Variants in COBL observed in about 807,000 individuals in gnomAD.
COBL encodes cordon-bleu WH2 repeat protein.
Under a neutral mutation model 98.8 loss-of-function variants are expected in COBL, and 51 were observed. That is an observed-to-expected ratio of 0.52 (90% CI 0.41 to 0.65). The LOEUF is 0.65. Among genes scored for constraint, COBL ranks in the 30% least tolerant of loss-of-function variants. The pLI is 0.00. For missense variants in COBL, 1,617 were observed against 1,617.5 expected, an observed-to-expected ratio of 1.00 and a Z score of 0.01; for synonymous variants, 634 against 651.7, an observed-to-expected ratio of 0.97 and a Z score of 0.41.
intron 5 of COBL, among the ~76,000 whole-genome samples, chr7:51,182,462 A>G (rs1182291115): frequency 6.6e-6 from 1 of 151,936 alleles, no homozygotes; most frequent in Non-Finnish European, 1.5e-5. Flanking sequence ...TTGTATTTTT[A>G]GCAGAGACGG....
intron 5 of COBL, among the ~76,000 whole-genome samples, chr7:51,166,030 AAC>A (rs1359202486): frequency 6.6e-6 from 1 of 152,002 alleles, no homozygotes; most frequent in African/African-American, 2.4e-5. Context: ...ACCTCAAACA[AAC>A]AATCTAACTA....
chr7:51,248,272 A>G (rs1356914610), intron 1 of COBL, among the ~76,000 whole-genome samples: 1 of 152,204 alleles, frequency 6.6e-6, no homozygotes, highest in Non-Finnish European at 1.5e-5. Flanking sequence ...ATAAAATAAT[A>G]TTGCTCTATC....
rs550075791 is a variant in COBL at position 51,248,992 on chromosome 7, C to T, written c.42-29048G>A. On this transcript the variant is annotated intron_variant, in intron 1 of 12. Coordinates refer to ENST00000265136, the MANE Select transcript of COBL (RefSeq NM_015198.5). ...GATTTGGAAAAGATACTGAGATAAA[C>T]CAGGTTAAGACCCATTCTGAACATA... Among the ~76,000 whole-genome samples, 11 of 152,280 alleles carry T rather than the reference C, an allele frequency of 7.2e-5. No homozygotes were observed. The South Asian group carries it at 2.3e-3, about 32-fold the overall frequency.
At chr7:51,024,264 G>A (rs563400928) in intron 12 of COBL, among the ~76,000 whole-genome samples, 8 of 152,138 alleles carry the variant, frequency 5.3e-5, no homozygotes, top group South Asian at 2.1e-4. Context: ...AGCCGAGATC[G>A]CGTCACTGCA....
At chr7:51,108,187 A>G (rs1796483442) in intron 6 of COBL, among the ~76,000 whole-genome samples, 1 of 151,954 alleles carries the variant, frequency 6.6e-6, no homozygotes, top group Non-Finnish European at 1.5e-5. Flanking sequence ...TCGGGCCAAC[A>G]TTCTGATTCC....
intron 1 of COBL, among the ~76,000 whole-genome samples, chr7:51,275,513 C>A (rs886949183): frequency 1.2e-4 from 19 of 152,176 alleles, no homozygotes; most frequent in African/African-American, 4.6e-4. Context: ...GTCACCGCAG[C>A]CCATGCAGAG....
intron 7 of COBL, among the ~76,000 whole-genome samples, chr7:51,059,362 T>G (rs1457762121): frequency 6.6e-6 from 1 of 152,216 alleles, no homozygotes; most frequent in Non-Finnish European, 1.5e-5. Context: ...TCTATTGTTC[T>G]GCATAAAGCT....
At chr7:51,187,844 C>A in intron 4 of COBL, 2 of 1,134,646 alleles carry the variant, frequency 1.8e-6, no homozygotes, top group Non-Finnish European at 2.2e-6. Context: ...CACCTCTGTG[C>A]AGCTCTGACC....
Position 51,229,585 on chromosome 7 carries a change from C to T in COBL, c.42-9641G>A, listed in dbSNP as rs531629801. 8.5e-5 allele frequency among the ~76,000 whole-genome samples: 13 copies of T among 152,328 alleles called. No homozygotes were observed. In the East Asian group the frequency reaches 2.5e-3, roughly 29 times the overall value. The stretch of plus-strand genomic sequence containing the variant: ...CCGGAGAGCCAAGTCAGCTCTGTAC[C>T]TTAGCTGACCAACCTCGGCATTTGC... On this transcript the variant is annotated intron_variant, in intron 1 of 12. Transcript: ENST00000265136.
At chr7:51,017,750 C>T (rs931276726) in intron 12 of COBL, among the ~76,000 whole-genome samples, 182 bp from the exon 13 acceptor site, 4 of 152,214 alleles carry the variant, frequency 2.6e-5, no homozygotes, top group Non-Finnish European at 5.9e-5. Context: ...GACCTTCTCA[C>T]GCTCCAGCTT....
At chr7:51,067,704 A>G (rs774640004) in intron 7 of COBL, among the ~76,000 whole-genome samples, 1 of 152,244 alleles carries the variant, frequency 6.6e-6, no homozygotes, top group Non-Finnish European at 1.5e-5. Flanking sequence ...TGTAAATGAG[A>G]GAACTCAATC....
chr7:51,247,642 G>A (rs1018047944), intron 1 of COBL, among the ~76,000 whole-genome samples: 1 of 152,046 alleles, frequency 6.6e-6, no homozygotes, highest in African/African-American at 2.4e-5. Context: ...GGCAGGGGGT[G>A]GGGAGTCTTT....
chr7:51,267,480 T>TGA (rs1554452314), intron 1 of COBL, among the ~76,000 whole-genome samples: 2 of 150,682 alleles, frequency 1.3e-5, no homozygotes, highest in African/African-American at 2.4e-5. Context: ...ATTTGTATTT[T>TGA]TATATATATA....
chr7:51,086,198 G>C (rs1186101659), intron 6 of COBL, among the ~76,000 whole-genome samples: 1 of 151,826 alleles, frequency 6.6e-6, no homozygotes, highest in Non-Finnish European at 1.5e-5. Flanking sequence ...TGCAGAGTAT[G>C]TGCAAAGAAT....
intron 7 of COBL, among the ~76,000 whole-genome samples, chr7:51,075,789 T>G (rs1793015896): frequency 6.6e-6 from 1 of 152,210 alleles, no homozygotes; most frequent in Non-Finnish European, 1.5e-5. Flanking sequence ...AAAAGCTATA[T>G]ATAGATCTAT....
intron 5 of COBL, among the ~76,000 whole-genome samples, chr7:51,181,783 G>T (rs1465060945): frequency 2.0e-5 from 3 of 151,848 alleles, no homozygotes; most frequent in African/African-American, 7.3e-5. Flanking sequence ...GTGAAAAACA[G>T]AAAGTCCCTT....
At chr7:51,229,917 C>A (rs1159288832) in intron 1 of COBL, among the ~76,000 whole-genome samples, 1 of 152,144 alleles carries the variant, frequency 6.6e-6, no homozygotes, top group African/African-American at 2.4e-5. Flanking sequence ...AAGGTCCCAG[C>A]AAGGGCACAG....
chr7:51,273,847 T>C (rs767562602), intron 1 of COBL, among the ~76,000 whole-genome samples: 10 of 152,206 alleles, frequency 6.6e-5, no homozygotes, highest in Non-Finnish European at 1.3e-4. Context: ...CAACGCCTCA[T>C]AAAACCTATT....
chr7:51,238,053 C>G (rs1261449271), intron 1 of COBL, among the ~76,000 whole-genome samples: 2 of 152,202 alleles, frequency 1.3e-5, no homozygotes, highest in Non-Finnish European at 2.9e-5. Context: ...CCACCTGAGC[C>G]TGATCTGACC....
Sources: gnomAD v4.1 joint callset for allele counts (sites outside exome capture counted in the v4.1 genomes callset) on GRCh38, gnomAD v4.1.1 for gene constraint, MANE v1.5 for transcripts, NCBI Gene and HGNC (gene_info 2026-07-23, HGNC 2026-07-21) for gene names.